The following SMC1B variants were observed in gnomAD, a reference collection of about 807,000 sequenced individuals.
SMC1B encodes structural maintenance of chromosomes 1B, also known as structural maintenance of chromosomes protein 1B.
A neutral mutation model predicts 157.9 loss-of-function variants in SMC1B; 60 were observed. The observed-to-expected ratio is 0.38, with a 90% confidence interval of 0.31 to 0.47. SMC1B has a LOEUF of 0.47. SMC1B is among the 20% of genes least tolerant of loss of function. The pLI is 0.99. For missense variants in SMC1B, 1,165 were observed against 1,426.2 expected (o/e 0.82, Z 2.95); for synonymous variants, 445 against 483.0 (o/e 0.92, Z 1.03).
intron 15 of SMC1B, among the ~76,000 whole-genome samples, chr22:45,368,794 C>T (rs929089299): frequency 1.3e-5 from 2 of 152,164 alleles, no homozygotes; most frequent in Non-Finnish European, 2.9e-5. Flanking sequence ...GTTGGAATTA[C>T]AGGCGTGAGC....
At chr22:45,398,246 T>C (rs2087149003) in intron 6 of SMC1B, among the ~76,000 whole-genome samples, 1 of 152,206 alleles carries the variant, frequency 6.6e-6, no homozygotes, top group South Asian at 2.1e-4. Flanking sequence ...CAGAGCCCAC[T>C]GTGGAAGTGG....
At chr22:45,398,821 C>A (rs369209470) in intron 6 of SMC1B, among the ~76,000 whole-genome samples, 1 of 152,042 alleles carries the variant, frequency 6.6e-6, no homozygotes, top group South Asian at 2.1e-4. Flanking sequence ...AAGAGCGAAA[C>A]TCCATCTCAA....
chr22:45,354,396 ATG>A (rs1212261915), intron 20 of SMC1B, among the ~76,000 whole-genome samples: 1 of 151,942 alleles, frequency 6.6e-6, no homozygotes, highest in Non-Finnish European at 1.5e-5. Context: ...GTATGTATGT[ATG>A]TATGTATTTA....
chr22:45,405,100 T>C (rs1476015213), intron 4 of SMC1B, among the ~76,000 whole-genome samples: 1 of 152,028 alleles, frequency 6.6e-6, no homozygotes, highest in Non-Finnish European at 1.5e-5. Flanking sequence ...GACTACCAGG[T>C]ATGTAAAATC....
chr22:45,349,376 G>A lies in SMC1B; in HGVS notation c.3495+352C>T, dbSNP rs954734883. 7.3e-5 allele frequency among the ~76,000 whole-genome samples: 11 copies of A among 151,052 alleles called. 1 individual carries two copies. Among genetic ancestry groups the A allele is most frequent in the African/African-American group, 1.2e-4 (5 of 41,064 alleles). On this transcript the variant is annotated intron_variant, in intron 23 of 24. Coordinates refer to ENST00000357450, the MANE Select transcript of SMC1B (RefSeq NM_148674.5). ...TTTTGAGACAGAGTCTCACTCTGTC[G>A]CTTAGGCTGGAGTGCAGTGGTGCAA...
At chr22:45,396,676 T>A (rs908147261) in intron 6 of SMC1B, among the ~76,000 whole-genome samples, 190 bp from the exon 7 acceptor site, 3 of 152,096 alleles carry the variant, frequency 2.0e-5, no homozygotes, top group Non-Finnish European at 4.4e-5. Context: ...AAAAAACTGT[T>A]TATTATTTAT....
chr22:45,405,551 C>T (rs6006742), intron 4 of SMC1B, among the ~76,000 whole-genome samples: 72,973 of 151,536 alleles, frequency 0.48, 20,201 homozygotes, highest in African/African-American at 0.76. Flanking sequence ...AGAGACAAGA[C>T]TCTCAGTGCA....
intron 9 of SMC1B, among the ~76,000 whole-genome samples, chr22:45,390,998 A>G (rs2087051968): frequency 6.7e-6 from 1 of 148,924 alleles, no homozygotes; most frequent in Non-Finnish European, 1.5e-5. Flanking sequence ...TTAATTTGTG[A>G]TTATCTCAGG....
chr22:45,349,696 C>A (rs996282828), intron 23 of SMC1B, 32 bp downstream of exon 23: 4 of 1,558,600 alleles, frequency 2.6e-6, no homozygotes, highest in Non-Finnish European at 3.5e-6. Context: ...GAATTGTAGA[C>A]AGTCTATTGA....
intron 9 of SMC1B, among the ~76,000 whole-genome samples, 180 bp from the exon 10 acceptor site, chr22:45,390,077 C>T (rs2087040284): frequency 6.6e-6 from 1 of 151,962 alleles, no homozygotes; most frequent in Admixed American, 6.6e-5. Context: ...GTCCATCTAG[C>T]TATGTAACAC....
intron 10 of SMC1B, among the ~76,000 whole-genome samples, chr22:45,387,782 AG>A (rs1468597443): frequency 6.6e-6 from 1 of 152,216 alleles, no homozygotes; most frequent in Non-Finnish European, 1.5e-5. Context: ...CTGTAATCCC[AG>A]CACTTTGGGA....
At chr22:45,405,911 A>T (rs2087254133) in intron 4 of SMC1B, among the ~76,000 whole-genome samples, 1 of 152,252 alleles carries the variant, frequency 6.6e-6, no homozygotes, top group Non-Finnish European at 1.5e-5. Flanking sequence ...GCTGTCTTTT[A>T]TCAAGCTAGA....
Position 45,393,800 on chromosome 22 carries a change from A to G in SMC1B, c.1379T>C (p.Val460Ala). The change falls in exon 9 of 25, where the codon GTG becomes GCG. Residue 460 changes from valine to alanine, a missense_variant. Coordinates refer to ENST00000357450, the MANE Select transcript of SMC1B (RefSeq NM_148674.5). ...TGATTTTGTTTTTTCAATTTCATCC[A>G]CTAGGGTTTCCTCTTGCTGTTTTTT... The part of the protein sequence containing the change: ...KEKKQQEETL[V>A]DEIEKTKSRM... The G allele has an allele frequency of 6.2e-7, 1 of 1,613,084 alleles. No individual in the cohort carries two copies. Among genetic ancestry groups the G allele is most frequent in the Non-Finnish European group, 8.5e-7 (1 of 1,179,418 alleles).
intron 22 of SMC1B, among the ~76,000 whole-genome samples, chr22:45,350,199 C>G (rs1410932826): frequency 2.6e-5 from 4 of 151,836 alleles, no homozygotes; most frequent in African/African-American, 9.7e-5. Flanking sequence ...AAATACCACC[C>G]AAATACTGAT....
intron 17 of SMC1B, among the ~76,000 whole-genome samples, chr22:45,360,760 T>A (rs2086713753): frequency 6.6e-6 from 1 of 152,232 alleles, no homozygotes; most frequent in Non-Finnish European, 1.5e-5. Context: ...TCTGGCTGTA[T>A]CTTGAAACAC....
chr22:45,393,444 G>T (rs2146831881), intron 9 of SMC1B, among the ~76,000 whole-genome samples, 190 bp downstream of exon 9: 1 of 151,934 alleles, frequency 6.6e-6, no homozygotes, highest in Non-Finnish European at 1.5e-5. Flanking sequence ...AGCTACTACT[G>T]GAAGTTTTAC....
intron 24 of SMC1B, 69 bp downstream of exon 24, chr22:45,345,390 C>G: frequency 3.5e-6 from 3 of 858,026 alleles, no homozygotes; most frequent in Non-Finnish European, 5.7e-6. Flanking sequence ...TAGGAAAGCC[C>G]AGTGGCTGTC....
intron 12 of SMC1B, among the ~76,000 whole-genome samples, chr22:45,382,387 T>A (rs1443536151): frequency 6.6e-6 from 1 of 152,202 alleles, no homozygotes; most frequent in Non-Finnish European, 1.5e-5. Context: ...ACTGTATGAA[T>A]CCATTTATAT....
In SMC1B at chr22:45,378,629, T is replaced by C. The variant is rs191497002; in HGVS notation, c.2058+4838A>G. Among the ~76,000 whole-genome samples, 60 of 152,320 alleles carry C rather than the reference T, an allele frequency of 3.9e-4. 1 individual carries two copies. In the East Asian group the frequency reaches 9.1e-3, roughly 23 times the overall value. On this transcript the variant is annotated intron_variant, in intron 12 of 24. Transcript: ENST00000357450. ...TATATTTTTATTTTTAATTAAGAAG[T>C]AGTTTCAAGCCTTCTTTTCCCTAAT...
Sources: allele counts gnomAD v4.1 joint callset (sites outside exome capture counted in the v4.1 genomes callset), GRCh38; gene constraint gnomAD v4.1.1; transcripts MANE v1.5; gene names NCBI Gene and HGNC (gene_info 2026-07-23, HGNC 2026-07-21).